CACNA2D3: variants seen among roughly 807,000 people sequenced by gnomAD.
CACNA2D3 encodes the protein calcium voltage-gated channel auxiliary subunit alpha2delta 3.
In CACNA2D3, 60 loss-of-function variants were observed where a neutral mutation model predicts 160.6. The observed-to-expected ratio is 0.37, with a 90% CI of 0.30 to 0.46. CACNA2D3 has a LOEUF of 0.46. Ranked by LOEUF, CACNA2D3 falls within the 20% of genes least tolerant of loss-of-function variation. The pLI is 1.00. For synonymous variants in CACNA2D3, 558 were observed against 492.9 expected, an observed-to-expected ratio of 1.13 and a Z score of -1.75; for missense variants, 1,205 against 1,365.0, an observed-to-expected ratio of 0.88 and a Z score of 1.85.
chr3:54,894,830 C>T, intron 25 of CACNA2D3: 1 of 370,778 alleles, frequency 2.7e-6, no homozygotes, highest in South Asian at 2.0e-5. Flanking sequence ...GAAACATTAC[C>T]ACTGAATACA....
chr3:54,526,164 G>A (rs1257664422), intron 5 of CACNA2D3, among the ~76,000 whole-genome samples: 1 of 151,400 alleles, frequency 6.6e-6, no homozygotes, highest in African/African-American at 2.4e-5. Context: ...ATTTCCATTT[G>A]GTTCTTTTTA....
At chr3:54,720,893 A>G (rs907964328) in intron 11 of CACNA2D3, among the ~76,000 whole-genome samples, 26 of 152,140 alleles carry the variant, frequency 1.7e-4, no homozygotes, top group Non-Finnish European at 3.5e-4. Context: ...TGAAGGTAAA[A>G]AGAAAGGACA....
chr3:54,926,008 G>A (rs1575380889), intron 27 of CACNA2D3, among the ~76,000 whole-genome samples: 3 of 152,226 alleles, frequency 2.0e-5, no homozygotes, highest in Admixed American at 2.0e-4. Flanking sequence ...TCCTTCATGG[G>A]TTATTGTACT....
chr3:54,834,823 T>A (rs1050246390), intron 14 of CACNA2D3, among the ~76,000 whole-genome samples: 1 of 152,170 alleles, frequency 6.6e-6, no homozygotes, highest in East Asian at 1.9e-4. Context: ...AGGCAGGCAG[T>A]CTGACATGCT....
At chr3:54,637,223 G>T (rs567477915) in intron 10 of CACNA2D3, among the ~76,000 whole-genome samples, 2 of 151,870 alleles carry the variant, frequency 1.3e-5, no homozygotes, top group Non-Finnish European at 2.9e-5. Flanking sequence ...AGTGTGCTGC[G>T]GGATGGGATA....
chr3:54,756,227 C>G (rs956718845), intron 12 of CACNA2D3, among the ~76,000 whole-genome samples: 2 of 152,306 alleles, frequency 1.3e-5, no homozygotes, highest in Admixed American at 1.3e-4. Context: ...CTACCAGAGT[C>G]AGCCCTTCTT....
At chr3:54,350,986 G>GTTTTGTTTTTTTTTTTTTTTTTTTTT (rs1698548788) in intron 3 of CACNA2D3, among the ~76,000 whole-genome samples, 1 of 65,922 alleles carries the variant, frequency 1.5e-5, no homozygotes. Flanking sequence ...TTTTTTGTTT[G>GTTTTGTTTTTTTTTTTTTTTTTTTTT]TTTTTTTTTT....
chr3:54,729,977 C>CA (rs1701355045), intron 11 of CACNA2D3, among the ~76,000 whole-genome samples: 1 of 119,364 alleles, frequency 8.4e-6, no homozygotes, highest in African/African-American at 3.4e-5. Context: ...CCAACCTGGA[C>CA]AACAGAGCAA....
intron 27 of CACNA2D3, among the ~76,000 whole-genome samples, chr3:54,956,673 T>G (rs1292275658): frequency 6.6e-6 from 1 of 152,198 alleles, no homozygotes; most frequent in African/African-American, 2.4e-5. Context: ...ATTAGGTAAT[T>G]TGTTCTCAGA....
chr3:54,463,487 T>C (rs1011572314), intron 4 of CACNA2D3, among the ~76,000 whole-genome samples: 8 of 152,204 alleles, frequency 5.3e-5, no homozygotes, highest in Non-Finnish European at 1.0e-4. Flanking sequence ...TTATTCTTTT[T>C]TCTGTAAACT....
chr3:54,237,053 G>C (rs982777063), intron 2 of CACNA2D3, among the ~76,000 whole-genome samples: 6 of 150,394 alleles, frequency 4.0e-5, no homozygotes, highest in African/African-American at 1.5e-4. Context: ...ATTAAGGGAA[G>C]TCTAATGACT....
Position 54,642,130 on chromosome 3 carries a change from C to T in CACNA2D3, c.1056C>T (p.Phe352=), listed in dbSNP as rs1173624461. 6.2e-7 allele frequency: 1 copy of T among 1,603,532 alleles called. No individual in the cohort carries two copies. Among genetic ancestry groups the T allele is most frequent in the Admixed American group, 1.7e-5 (1 of 58,990 alleles). ...TTTGAACTTATTTCTTTCCCTAGTTCAACCACACGGGACAAGGAAGTATCT... is the reference window on the plus strand; with the variant it reads ...TTTGAACTTATTTCTTTCCCTAGTTTAACCACACGGGACAAGGAAGTATCT... ...LNEAFNILSD[F]NHTGQGSICS... Residue 352 remains phenylalanine (F), a splice_region_variant and synonymous_variant, in exon 11 of 38, where the codon TTC becomes TTT. Transcript: ENST00000474759.
intron 2 of CACNA2D3, among the ~76,000 whole-genome samples, chr3:54,297,735 A>G (rs1431628033): frequency 6.7e-6 from 1 of 148,592 alleles, no homozygotes; most frequent in African/African-American, 2.5e-5. Flanking sequence ...AAAAAGAGTG[A>G]AGAAATGGTA....
chr3:54,924,846 T>C lies in CACNA2D3; in HGVS notation c.2449+24978T>C. ...TATGTTGTTTGATGACAAATCAAGCTCCCTCAGCTGAGGGAGGGAATGGAA... is the reference window on the plus strand; with the variant it reads ...TATGTTGTTTGATGACAAATCAAGCCCCCTCAGCTGAGGGAGGGAATGGAA... On this transcript the variant is annotated intron_variant, in intron 27 of 37. Coordinates refer to ENST00000474759, the MANE Select transcript of CACNA2D3 (RefSeq NM_018398.3). 4 of 1,613,764 alleles carry C rather than the reference T, an allele frequency of 2.5e-6. No homozygotes were observed. The South Asian group carries it at 4.4e-5, about 18-fold the overall frequency.
At chr3:54,980,763 A>G (rs1702489355) in intron 29 of CACNA2D3, among the ~76,000 whole-genome samples, 1 of 152,220 alleles carries the variant, frequency 6.6e-6, no homozygotes, top group Non-Finnish European at 1.5e-5. Flanking sequence ...ACAATTTTCA[A>G]AAATCAAAGA....
At chr3:54,314,504 C>T (rs1171299846) in intron 2 of CACNA2D3, among the ~76,000 whole-genome samples, 1 of 151,970 alleles carries the variant, frequency 6.6e-6, no homozygotes, top group Non-Finnish European at 1.5e-5. Context: ...AGTGGTTGTA[C>T]TAGTTTACAT....
intron 2 of CACNA2D3, among the ~76,000 whole-genome samples, chr3:54,146,979 C>T (rs1700042762): frequency 6.6e-6 from 1 of 152,250 alleles, no homozygotes; most frequent in African/African-American, 2.4e-5. Context: ...ATGAAAGTTT[C>T]AGCAAAGAGG....
At chr3:54,747,251 A>C (rs1424354687) in intron 11 of CACNA2D3, among the ~76,000 whole-genome samples, 1 of 152,068 alleles carries the variant, frequency 6.6e-6, no homozygotes, top group Non-Finnish European at 1.5e-5. Flanking sequence ...GGTGGGTGCT[A>C]TGACTCCACC....
chr3:54,622,470 T>A (rs915938298), intron 9 of CACNA2D3, among the ~76,000 whole-genome samples: 9 of 152,186 alleles, frequency 5.9e-5, no homozygotes, highest in Admixed American at 3.9e-4. Context: ...AGAGATGGGG[T>A]TTCACCATGT....
Sources: gnomAD v4.1 joint callset for allele counts (sites outside exome capture counted in the v4.1 genomes callset) on GRCh38, gnomAD v4.1.1 for gene constraint, MANE v1.5 for transcripts, NCBI Gene and HGNC (gene_info 2026-07-23, HGNC 2026-07-21) for gene names.